The following EIF4G3 variants were observed in gnomAD, a reference collection of about 807,000 sequenced individuals.
EIF4G3 encodes eukaryotic translation initiation factor 4 gamma 3.
EIF4G3 carries 34 observed loss-of-function variants against 186.4 expected under a neutral mutation model. That is an observed-to-expected ratio of 0.18 (90% CI 0.14 to 0.24). The LOEUF (loss-of-function observed/expected upper bound fraction) is 0.24. Among genes scored for constraint, EIF4G3 ranks in the 10% least tolerant of loss-of-function variants. The pLI is 1.00. For missense variants in EIF4G3, 1,536 were observed against 1,948.5 expected (o/e 0.79, Z 3.99); for synonymous variants, 673 against 679.5 (o/e 0.99, Z 0.15).
At chr1:20,950,930 G>C (rs916865385) in intron 12 of EIF4G3, among the ~76,000 whole-genome samples, 1 of 152,180 alleles carries the variant, frequency 6.6e-6, no homozygotes, top group Non-Finnish European at 1.5e-5. Context: ...TTCAGGATTT[G>C]AGGTTACACA....
chr1:21,093,837 A>G (rs2096274595), intron 2 of EIF4G3, among the ~76,000 whole-genome samples: 1 of 152,142 alleles, frequency 6.6e-6, no homozygotes, highest in African/African-American at 2.4e-5. Context: ...CATCATTCTC[A>G]GCAAACTATC....
chr1:20,903,096 G>A (rs2090940564), intron 15 of EIF4G3, among the ~76,000 whole-genome samples: 1 of 152,228 alleles, frequency 6.6e-6, no homozygotes, highest in Admixed American at 6.5e-5. Context: ...AGCATACAAG[G>A]TAAGGATGAT....
intron 2 of EIF4G3, among the ~76,000 whole-genome samples, chr1:21,135,308 T>C (rs991815141): frequency 6.6e-6 from 1 of 152,168 alleles, no homozygotes; most frequent in African/African-American, 2.4e-5. Flanking sequence ...GAGACCAGCC[T>C]GGCCAACATG....
At chr1:20,969,373 G>T in intron 12 of EIF4G3, 101 bp downstream of exon 12, 2 of 1,386,754 alleles carry the variant, frequency 1.4e-6, no homozygotes, top group Non-Finnish European at 2.0e-6. Flanking sequence ...CGAGACAACT[G>T]ATGGAAATGA....
intron 4 of EIF4G3, among the ~76,000 whole-genome samples, chr1:21,037,097 C>T (rs1315977947): frequency 6.6e-6 from 1 of 152,092 alleles, no homozygotes; most frequent in East Asian, 1.9e-4. Context: ...GACAGAACAG[C>T]TGGAATATTA....
chr1:21,176,135 G>T, intron 2 of EIF4G3, 40 bp downstream of exon 2: 1 of 355,066 alleles, frequency 2.8e-6, no homozygotes. Flanking sequence ...GGACTGCGAC[G>T]ACGAGAACCG....
At chr1:20,956,527 T>C (rs2096424033) in intron 12 of EIF4G3, among the ~76,000 whole-genome samples, 1 of 146,118 alleles carries the variant, frequency 6.8e-6, no homozygotes, top group Non-Finnish European at 1.5e-5. Context: ...CTTGCTGATG[T>C]AATGACTGTG....
At chr1:20,901,822 A>G (rs1038002284) in intron 15 of EIF4G3, among the ~76,000 whole-genome samples, 2 of 152,226 alleles carry the variant, frequency 1.3e-5, no homozygotes, top group African/African-American at 2.4e-5. Context: ...AAACAGATTT[A>G]AGAAAGAGAT....
At chr1:20,868,392 T>G (rs1437331738) in intron 20 of EIF4G3, among the ~76,000 whole-genome samples, 1 of 152,094 alleles carries the variant, frequency 6.6e-6, no homozygotes, top group Non-Finnish European at 1.5e-5. Context: ...GGCTGACTTC[T>G]CACTGTATCC....
intron 2 of EIF4G3, among the ~76,000 whole-genome samples, chr1:21,168,410 T>A (rs187492881): frequency 0.013 from 1,928 of 149,208 alleles, 38 homozygotes; most frequent in Non-Finnish European, 0.016. Flanking sequence ...TCTCAATTTT[T>A]TAAAAAAAAA....
chr1:20,940,152 G>A (rs1180103860), intron 14 of EIF4G3, among the ~76,000 whole-genome samples: 3 of 151,998 alleles, frequency 2.0e-5, no homozygotes, highest in Non-Finnish European at 2.9e-5. Context: ...CACTGCACCC[G>A]GCCCCAAGGC....
In EIF4G3 at chr1:20,857,416, A is replaced by G; in HGVS notation, c.3326T>C (p.Leu1109Pro). 6.2e-7 allele frequency: 1 copy of G among 1,613,906 alleles called. No individual in the cohort carries two copies. Among genetic ancestry groups the G allele is most frequent in the Non-Finnish European group, 8.5e-7 (1 of 1,179,900 alleles). Reference sequence around the variant, plus strand: ...TGTCAGACTCACCTTAGTGATTTTTAGGAATTTTGAGGGGTCCAGTACCCG... The same window carrying G: ...TGTCAGACTCACCTTAGTGATTTTTGGGAATTTTGAGGGGTCCAGTACCCG... The part of the protein sequence containing the change: ...NSRVLDPSKF[L>P]KITKPTIDEK... Residue 1109 changes from leucine to proline, a missense_variant, in exon 25 of 37, where the codon CTA becomes CCA. Physicochemically the swap from Leu to Pro is moderately conservative, Grantham distance 98. Around this residue, in one of 11 missense-constraint regions of EIF4G3, gnomAD observed 110 missense variants for 166.2 expected, o/e 0.66. Coordinates refer to ENST00000602326, the MANE Select transcript of EIF4G3 (RefSeq NM_001391906.1).
chr1:20,842,110 A>G (rs1308294904), intron 29 of EIF4G3, among the ~76,000 whole-genome samples: 1 of 152,204 alleles, frequency 6.6e-6, no homozygotes, highest in African/African-American at 2.4e-5. Flanking sequence ...AGATTCATCA[A>G]TTGTTGTTTT....
intron 25 of EIF4G3, 79 bp downstream of exon 25, chr1:20,857,324 A>G: frequency 8.6e-7 from 1 of 1,157,616 alleles, no homozygotes; most frequent in Non-Finnish European, 1.3e-6. Context: ...AACTATTGTA[A>G]ATTGTGTGTG....
intron 8 of EIF4G3, 148 bp from the exon 9 acceptor site, chr1:20,981,375 T>C (rs1293356929): frequency 3.2e-6 from 2 of 617,240 alleles, no homozygotes; most frequent in African/African-American, 3.7e-5. Flanking sequence ...TACCTATTGC[T>C]GGGTTCCCAA....
At chr1:20,961,716 C>T (rs2096574000) in intron 12 of EIF4G3, among the ~76,000 whole-genome samples, 1 of 152,086 alleles carries the variant, frequency 6.6e-6, no homozygotes, top group Non-Finnish European at 1.5e-5. Context: ...TTTCAAATGT[C>T]CCATTTAAAA....
chr1:21,088,236 C>A (rs1178385561), intron 3 of EIF4G3, among the ~76,000 whole-genome samples: 1 of 152,000 alleles, frequency 6.6e-6, no homozygotes, highest in African/African-American at 2.4e-5. Flanking sequence ...GACCAACCAA[C>A]ATGGTGAAAC....
chr1:20,843,825 G>C (rs943764892), intron 29 of EIF4G3, among the ~76,000 whole-genome samples: 12 of 152,004 alleles, frequency 7.9e-5, no homozygotes, highest in Admixed American at 2.6e-4. Context: ...TCCTCCAGTA[G>C]GCCCCAGTGT....
chr1:20,909,741 T>C (rs1046808374), intron 14 of EIF4G3, among the ~76,000 whole-genome samples: 3 of 152,004 alleles, frequency 2.0e-5, no homozygotes, highest in African/African-American at 4.8e-5. Context: ...TAACAACAAA[T>C]TAACTCTGTT....
Sources: allele counts gnomAD v4.1 joint callset (sites outside exome capture counted in the v4.1 genomes callset), GRCh38; gene constraint gnomAD v4.1.1; regional missense constraint gnomAD v4.1.1; transcripts MANE v1.5; gene names NCBI Gene and HGNC (gene_info 2026-07-23, HGNC 2026-07-21).